The following AGBL1 variants were observed in gnomAD, a reference collection of about 807,000 sequenced individuals.
AGBL1 encodes the protein AGBL carboxypeptidase 1.
In AGBL1, 130 loss-of-function variants were observed where a neutral mutation model predicts 118.9. The observed-to-expected ratio is 1.09, with a 90% CI of 0.95 to 1.26. The LOEUF (loss-of-function observed/expected upper bound fraction) is 1.26, where lower values mean the gene tolerates loss of function less well. Ranked by LOEUF, AGBL1 falls within the 50% of genes most tolerant of loss-of-function variation. AGBL1 has a pLI of 0.00. For synonymous variants in AGBL1, 555 were observed against 478.9 expected, an observed-to-expected ratio of 1.16 and a Z score of -2.08; for missense variants, 1,584 against 1,298.1, an observed-to-expected ratio of 1.22 and a Z score of -3.38.
chr15:86,479,075 A>G (rs1223163193), intron 18 of AGBL1, among the ~76,000 whole-genome samples: 1 of 152,216 alleles, frequency 6.6e-6, no homozygotes, highest in Non-Finnish European at 1.5e-5. Context: ...TTATACAAAA[A>G]TCAATTCAAG....
intron 22 of AGBL1, among the ~76,000 whole-genome samples, chr15:86,813,603 A>C (rs2078821734): frequency 6.6e-6 from 1 of 152,108 alleles, no homozygotes; most frequent in Admixed American, 6.6e-5. Flanking sequence ...TCAGGCCAAC[A>C]GACAGATCCT....
chr15:86,217,034 G>A (rs779755157), intron 5 of AGBL1, among the ~76,000 whole-genome samples: 2 of 152,198 alleles, frequency 1.3e-5, no homozygotes, highest in Admixed American at 1.3e-4. Context: ...TATCAAAGAA[G>A]TCTACTCCAG....
chr15:86,204,331 AT>A (rs1470104817), intron 5 of AGBL1, among the ~76,000 whole-genome samples: 5 of 152,226 alleles, frequency 3.3e-5, no homozygotes, highest in Admixed American at 2.0e-4. Flanking sequence ...ACTCAGTATT[AT>A]TTTTAGAGCA....
intron 21 of AGBL1, among the ~76,000 whole-genome samples, chr15:86,648,621 G>A (rs564589167): frequency 5.3e-5 from 8 of 152,312 alleles, no homozygotes; most frequent in East Asian, 1.9e-4. Flanking sequence ...AGAGTTCACC[G>A]GAAAGGTCTG....
chr15:86,733,987 C>T (rs1408855160), intron 22 of AGBL1, among the ~76,000 whole-genome samples: 2 of 152,166 alleles, frequency 1.3e-5, no homozygotes, highest in Admixed American at 1.3e-4. Context: ...ATGACATCTC[C>T]AGTGACCCCT....
At chr15:86,361,499 A>G (rs1420521139) in intron 17 of AGBL1, among the ~76,000 whole-genome samples, 1 of 151,988 alleles carries the variant, frequency 6.6e-6, no homozygotes, top group Non-Finnish European at 1.5e-5. Context: ...CTTTTTCCTT[A>G]CTGATATTCT....
At chr15:86,843,458 G>A (rs1464980050) in intron 22 of AGBL1, among the ~76,000 whole-genome samples, 1 of 152,046 alleles carries the variant, frequency 6.6e-6, no homozygotes, top group Admixed American at 6.6e-5. Context: ...CATAACCTTT[G>A]GGGTAAGGCT....
At chr15:86,458,032 TACTTTCC>T (rs1160089287) in intron 18 of AGBL1, among the ~76,000 whole-genome samples, 1 of 150,824 alleles carries the variant, frequency 6.6e-6, no homozygotes, top group Non-Finnish European at 1.5e-5. Flanking sequence ...ATGATTTTCC[TACTTTCC>T]TTTTTGGAAG....
intron 17 of AGBL1, among the ~76,000 whole-genome samples, chr15:86,319,111 C>T (rs562442034): frequency 1.0e-3 from 152 of 152,098 alleles, no homozygotes; most frequent in Non-Finnish European, 1.8e-3. Flanking sequence ...TGATAACATC[C>T]GAGTTGTTCC....
intron 22 of AGBL1, among the ~76,000 whole-genome samples, chr15:86,739,522 C>G (rs1376133078): frequency 1.1e-5 from 1 of 94,900 alleles, no homozygotes; most frequent in Non-Finnish European, 2.2e-5. Flanking sequence ...TTTTTTTTTT[C>G]GGGGGGAGCA....
intron 22 of AGBL1, among the ~76,000 whole-genome samples, chr15:86,750,080 G>C (rs1442829067): frequency 6.6e-6 from 1 of 152,070 alleles, no homozygotes; most frequent in Non-Finnish European, 1.5e-5. Flanking sequence ...ATTTCAGAAG[G>C]AATGGTACCA....
rs1216609807 is a variant in AGBL1, at chr15:86,348,575, T to C, written c.2375-48791T>C. 2.6e-5 allele frequency among the ~76,000 whole-genome samples: 4 copies of C among 152,086 alleles called. No homozygotes were observed. The East Asian group carries it at 7.7e-4, about 29-fold the overall frequency. Reference sequence around the variant, plus strand: ...CGGGCGGATCATGAGGTCAGGAGTTTGAGACCAGCTTAACCAACATGGTGA... The same window carrying C: ...CGGGCGGATCATGAGGTCAGGAGTTCGAGACCAGCTTAACCAACATGGTGA... On this transcript the variant is annotated intron_variant, in intron 17 of 22. Coordinates refer to ENST00000614907, the MANE Select transcript of AGBL1 (RefSeq NM_001386094.1).
rs1192150199 is a variant in AGBL1 at position 86,293,210 on chromosome 15, T to C, written c.2221-2045T>C. ...GTTGTCTATTGCTGCAGTAACAAACTACAAAAAATGTAGTGGCTTCAACAG... is the reference window on the plus strand; with the variant it reads ...GTTGTCTATTGCTGCAGTAACAAACCACAAAAAATGTAGTGGCTTCAACAG... On this transcript the variant is annotated intron_variant, in intron 16 of 22. Transcript: ENST00000614907. Among the ~76,000 whole-genome samples, 4 of 152,206 alleles carry C rather than the reference T, an allele frequency of 2.6e-5. 1 individual carries two copies. Among genetic ancestry groups the C allele is most frequent in the African/African-American group, 9.6e-5 (4 of 41,458 alleles).
At chr15:86,786,358 G>T (rs1567173562) in intron 22 of AGBL1, among the ~76,000 whole-genome samples, 1 of 152,062 alleles carries the variant, frequency 6.6e-6, no homozygotes. Flanking sequence ...ATGACTGCCA[G>T]GGGCTCTGGG....
At chr15:86,776,030 A>G (rs1488396725) in intron 22 of AGBL1, among the ~76,000 whole-genome samples, 1 of 152,090 alleles carries the variant, frequency 6.6e-6, no homozygotes, top group Non-Finnish European at 1.5e-5. Context: ...TAGCAATCCA[A>G]CCTAAATTGT....
At chr15:86,859,335 A>G (rs1017483600) in intron 22 of AGBL1, among the ~76,000 whole-genome samples, 2 of 152,230 alleles carry the variant, frequency 1.3e-5, no homozygotes, top group African/African-American at 4.8e-5. Context: ...ATGGGCACTA[A>G]TTGAGCATTA....
intron 22 of AGBL1, among the ~76,000 whole-genome samples, chr15:86,818,591 C>G (rs2078897835): frequency 6.6e-6 from 1 of 152,040 alleles, no homozygotes; most frequent in South Asian, 2.1e-4. Flanking sequence ...GACTGCTGCT[C>G]TAGAGAACTA....
At chr15:86,489,223 G>A (rs1189009036) in intron 18 of AGBL1, among the ~76,000 whole-genome samples, 4 of 152,110 alleles carry the variant, frequency 2.6e-5, no homozygotes, top group Non-Finnish European at 5.9e-5. Context: ...ATCTCCTTAT[G>A]ATAAGGAGCC....
At chr15:86,711,853 A>G (rs1404506955) in intron 22 of AGBL1, among the ~76,000 whole-genome samples, 3 of 152,224 alleles carry the variant, frequency 2.0e-5, no homozygotes, top group Non-Finnish European at 4.4e-5. Flanking sequence ...TTGATTCAGA[A>G]GATAGAAATC....
Sources: allele counts gnomAD v4.1 joint callset (sites outside exome capture counted in the v4.1 genomes callset), GRCh38; gene constraint gnomAD v4.1.1; transcripts MANE v1.5; gene names NCBI Gene and HGNC (gene_info 2026-07-23, HGNC 2026-07-21).